Variants in FAM185A observed in about 807,000 individuals in gnomAD.
FAM185A encodes family with sequence similarity 185 member A.
Under a neutral mutation model 45.7 loss-of-function variants are expected in FAM185A, and 21 were observed. The observed-to-expected ratio is 0.46, with a 90% CI of 0.33 to 0.66. The LOEUF is 0.66. FAM185A is among the 30% of genes least tolerant of loss of function. The probability of loss-of-function intolerance (pLI) is 0.03; values close to 1 mark genes in which losing one functional copy is unlikely to be tolerated. For missense variants in FAM185A, 305 were observed against 485.4 expected, an observed-to-expected ratio of 0.63 and a Z score of 3.49; for synonymous variants, 117 against 194.0, an observed-to-expected ratio of 0.60 and a Z score of 3.30.
the FAM185A span, among the ~76,000 whole-genome samples, chr7:102,835,372 G>C: frequency 2.0e-5 from 3 of 152,138 alleles, no homozygotes; most frequent in African/African-American, 4.8e-5. Context: ...TGAATTATTG[G>C]AATCAGTGGC....
intron 6 of FAM185A, among the ~76,000 whole-genome samples, chr7:102,785,529 A>G (rs1357221453): frequency 6.6e-6 from 1 of 152,236 alleles, no homozygotes. Context: ...AATGCTGCAT[A>G]TCTACAACCA....
the FAM185A span, among the ~76,000 whole-genome samples, chr7:102,835,600 A>ATT: frequency 9.6e-6 from 1 of 104,290 alleles, no homozygotes; most frequent in Non-Finnish European, 2.0e-5. Context: ...GTAAGGTGAC[A>ATT]TTGTTTTTTT....
chr7:102,833,704 T>G, the FAM185A span, among the ~76,000 whole-genome samples: 1 of 152,008 alleles, frequency 6.6e-6, no homozygotes, highest in East Asian at 1.9e-4. Flanking sequence ...ATTATAGGCA[T>G]GAGCCACTGT....
chr7:102,850,072 T>G, the FAM185A span, among the ~76,000 whole-genome samples: 1 of 152,190 alleles, frequency 6.6e-6, no homozygotes, highest in East Asian at 1.9e-4. Context: ...TCTTTTAGAT[T>G]ACTGAAAATA....
At chr7:102,812,682 C>T (rs893761306), downstream of FAM185A, among the ~76,000 whole-genome samples, 3 of 152,078 alleles carry the variant, frequency 2.0e-5, no homozygotes, top group Non-Finnish European at 4.4e-5. Flanking sequence ...TCTCTGCTTT[C>T]TTTTTCCTTT....
rs1296835143 is a variant in FAM185A at position 102,784,141 on chromosome 7, T to C, written c.932-3194T>C. On this transcript the variant is annotated intron_variant, in intron 6 of 7. Transcript: ENST00000413034. ...CTCCCAAGACTAAACCAGGAAGAAG[T>C]TGAATCTCTGAATAGACCAATAACA... Among the ~76,000 whole-genome samples the C allele has an allele frequency of 4.3e-4, 65 of 151,948 alleles. 1 individual carries two copies. The highest frequency in any genetic ancestry group is 5.1e-4 in the Non-Finnish European group (35 of 67,972).
chr7:102,749,068 C>T lies in FAM185A; in HGVS notation c.-140C>T, dbSNP rs529018678. The T allele has an allele frequency of 4.5e-6, 6 of 1,324,008 alleles. No individual in the cohort carries two copies. The East Asian group carries it at 1.3e-4, about 28-fold the overall frequency. 82.0% of individuals were successfully genotyped at this position (1,324,008 alleles called of 1,614,324 possible). On this transcript the variant is annotated 5_prime_UTR_variant, in exon 1 of 8. Coordinates refer to ENST00000413034, the MANE Select transcript of FAM185A (RefSeq NM_001145268.2). The stretch of plus-strand genomic sequence containing the variant: ...TGTTTAGAACGCCTAGTCAAGCCAA[C>T]CGGCTCGCTCTTGTTTCAGCAAACC...
rs1240900138 is a variant in FAM185A at position 102,808,826 on chromosome 7, C to CT, written c.*425dup. The CT allele has an allele frequency of 4.1e-5, 7 of 171,238 alleles. No individual in the cohort carries two copies. Among genetic ancestry groups the CT allele is most frequent in the Non-Finnish European group, 6.3e-5 (5 of 79,618 alleles). The allele number at this position is 171,238 out of a possible 1,614,324, so 10.6% of individuals were successfully genotyped here. On this transcript the variant is annotated 3_prime_UTR_variant, in exon 8 of 8. Transcript: ENST00000413034. ...TGCTGGCTGTCAGCCAGCAATCACT[C>CT]TAAGCTTCTAGAGGCCACCCACATG...
downstream of FAM185A, chr7:102,813,645 T>G (rs1177270993): frequency 7.6e-6 from 8 of 1,054,852 alleles, no homozygotes; most frequent in East Asian, 2.4e-5. Context: ...TGAATTCACA[T>G]GAGACCTCTC....
intron 4 of FAM185A, among the ~76,000 whole-genome samples, chr7:102,766,789 T>TTTGTTTTGTTTTGTTTTG (rs1794432254): frequency 2.0e-5 from 3 of 151,546 alleles, no homozygotes; most frequent in African/African-American, 7.3e-5. Flanking sequence ...TTTTTGTTTT[T>TTTGTTTTGTTTTGTTTTG]TTTGTTTTGT....
the FAM185A span, among the ~76,000 whole-genome samples, chr7:102,844,767 T>G: frequency 6.6e-6 from 1 of 152,186 alleles, no homozygotes; most frequent in Admixed American, 6.5e-5. Context: ...CCAATCCCAG[T>G]AGATTTCAGA....
intron 7 of FAM185A, among the ~76,000 whole-genome samples, chr7:102,797,393 T>C (rs527526801): frequency 3.6e-4 from 55 of 151,820 alleles, no homozygotes; most frequent in Non-Finnish European, 6.0e-4. Context: ...GGAGAATCAT[T>C]TGAACTTGGG....
chr7:102,824,871 G>C, the FAM185A span, among the ~76,000 whole-genome samples: 1 of 142,962 alleles, frequency 7.0e-6, no homozygotes, highest in East Asian at 2.1e-4. Context: ...CTGTCTTCTT[G>C]CCGTAGCCTC....
intron 7 of FAM185A, among the ~76,000 whole-genome samples, chr7:102,803,672 T>C (rs2129443919): frequency 6.7e-6 from 1 of 148,476 alleles, no homozygotes; most frequent in East Asian, 2.0e-4. Context: ...GTACTGAAAG[T>C]CCTAGCCAGA....
At chr7:102,831,032 A>T in the FAM185A span, among the ~76,000 whole-genome samples, 1 of 152,088 alleles carries the variant, frequency 6.6e-6, no homozygotes, top group Non-Finnish European at 1.5e-5. Flanking sequence ...AGGATGATCT[A>T]CGTGTGTTAT....
intron 7 of FAM185A, among the ~76,000 whole-genome samples, chr7:102,789,996 C>T (rs1366363364): frequency 3.3e-5 from 5 of 152,264 alleles, no homozygotes; most frequent in East Asian, 1.9e-4. Flanking sequence ...AAATAACACA[C>T]GTGGAGCTGT....
In FAM185A at chr7:102,808,409, T is replaced by G; in HGVS notation, c.*7T>G. On this transcript the variant is annotated 3_prime_UTR_variant, in exon 8 of 8. Transcript: ENST00000413034. ...CCTGAAACTGCAGGACTAAAACTGA[T>G]TTGAGTTGGATTTATGATTTTTAAC... 6.9e-7 allele frequency: 1 copy of G among 1,453,968 alleles called. No individual in the cohort carries two copies. The highest frequency in any genetic ancestry group is 9.4e-7 in the Non-Finnish European group (1 of 1,058,386). The allele number at this position is 1,453,968 out of a possible 1,614,324, so 90.1% of individuals were successfully genotyped here.
intron 7 of FAM185A, 37 bp from the exon 8 acceptor site, chr7:102,808,253 T>C (rs1015683187): frequency 2.3e-6 from 3 of 1,322,198 alleles, no homozygotes; most frequent in African/African-American, 2.9e-5. Flanking sequence ...GGTCAATTAA[T>C]GCTCTTGATA....
At chr7:102,827,282 G>A in the FAM185A span, 1 of 324,332 alleles carries the variant, frequency 3.1e-6, no homozygotes, top group Non-Finnish European at 6.9e-6. Context: ...GCTCTAAGGG[G>A]AGTCAAGAGA....
Sources: gnomAD v4.1 joint callset for allele counts (sites outside exome capture counted in the v4.1 genomes callset) on GRCh38, gnomAD v4.1.1 for gene constraint, MANE v1.5 for transcripts, NCBI Gene and HGNC (gene_info 2026-07-23, HGNC 2026-07-21) for gene names.